The following RYR3 variants were observed in gnomAD, a reference collection of about 807,000 sequenced individuals.
The protein encoded by RYR3 is brain ryanodine receptor-calcium release channel.
In RYR3, 207 loss-of-function variants were observed where a neutral mutation model predicts 584.3. The observed-to-expected ratio is 0.35, with a 90% CI of 0.32 to 0.40. The LOEUF (loss-of-function observed/expected upper bound fraction) is 0.40, where lower values mean the gene tolerates loss of function less well. RYR3 is among the 10% of genes least tolerant of loss of function. RYR3 has a pLI of 1.00. For missense variants in RYR3, 5,616 were observed against 6,089.2 expected, an observed-to-expected ratio of 0.92 and a Z score of 2.59; for synonymous variants, 2,416 against 2,248.5, an observed-to-expected ratio of 1.07 and a Z score of -2.11.
At chr15:33,779,139 C>T (rs905297804) in intron 64 of RYR3, among the ~76,000 whole-genome samples, 3 of 152,114 alleles carry the variant, frequency 2.0e-5, no homozygotes, top group African/African-American at 7.2e-5. Flanking sequence ...CTTCTATATA[C>T]CCTAGATTTG....
At chr15:33,780,371 C>G in intron 65 of RYR3, 30 bp downstream of exon 65, 1 of 1,610,210 alleles carries the variant, frequency 6.2e-7, no homozygotes, top group Non-Finnish European at 8.5e-7. Flanking sequence ...GGTCATCAAC[C>G]CATTTCATGT....
At chr15:33,566,841 CTG>C in intron 12 of RYR3, 42 bp downstream of exon 12, 1 of 1,610,214 alleles carries the variant, frequency 6.2e-7, no homozygotes, top group Non-Finnish European at 8.5e-7. Context: ...GAGTTTGACT[CTG>C]TGGCCTGCCA....
rs562331742 is a variant in RYR3 at position 33,703,164 on chromosome 15, A to G, written c.6483+2084A>G. ...AATTACCCACCAATAATTCGTTGAC[A>G]TTTTTCAGTTAGTAAATTCTATTTC... On this transcript the variant is annotated intron_variant, in intron 42 of 103. Coordinates refer to ENST00000634891, the MANE Select transcript of RYR3 (RefSeq NM_001036.6). Among the ~76,000 whole-genome samples, 9 of 152,244 alleles carry G rather than the reference A, an allele frequency of 5.9e-5. No individual in the cohort carries two copies. In the East Asian group the frequency reaches 1.7e-3, roughly 29 times the overall value.
At chr15:33,749,643 G>A (rs1199856065) in intron 55 of RYR3, among the ~76,000 whole-genome samples, 3 of 152,168 alleles carry the variant, frequency 2.0e-5, no homozygotes, top group Non-Finnish European at 2.9e-5. Flanking sequence ...CCCGTCTGAG[G>A]TCAGGAGTAC....
intron 2 of RYR3, among the ~76,000 whole-genome samples, chr15:33,487,547 C>T (rs1039026165): frequency 5.3e-5 from 8 of 152,134 alleles, no homozygotes; most frequent in African/African-American, 1.9e-4. Flanking sequence ...CAAGTACAAG[C>T]CTTGCTGCCC....
chr15:33,592,952 A>G (rs584877), intron 16 of RYR3, among the ~76,000 whole-genome samples: 104,373 of 152,128 alleles, frequency 0.69, 36,311 homozygotes, highest in African/African-American at 0.82. Context: ...GACGTGGGAC[A>G]TCAATCAGTA....
chr15:33,862,226 G>T (rs1014403452), intron 102 of RYR3, among the ~76,000 whole-genome samples: 1 of 152,012 alleles, frequency 6.6e-6, no homozygotes, highest in African/African-American at 2.4e-5. Flanking sequence ...CTCATCTTTC[G>T]AGATAGATAG....
chr15:33,750,804 T>C (rs924885717), intron 57 of RYR3, among the ~76,000 whole-genome samples: 3 of 152,150 alleles, frequency 2.0e-5, no homozygotes, highest in African/African-American at 7.2e-5. Context: ...ACACGTGCCA[T>C]GGTGGTTTGC....
intron 10 of RYR3, among the ~76,000 whole-genome samples, chr15:33,556,720 T>C (rs1304574719): frequency 2.0e-5 from 3 of 152,172 alleles, no homozygotes; most frequent in Admixed American, 6.5e-5. Flanking sequence ...AGCATTCTTC[T>C]TGCCGTGCGG....
intron 1 of RYR3, among the ~76,000 whole-genome samples, chr15:33,339,656 G>A (rs1354157237): frequency 4.6e-5 from 7 of 152,244 alleles, no homozygotes; most frequent in Admixed American, 1.3e-4. Context: ...TTGGGAGGCC[G>A]AGGCGGGCGG....
intron 16 of RYR3, among the ~76,000 whole-genome samples, chr15:33,587,980 G>A (rs658750): frequency 0.52 from 79,345 of 151,952 alleles, 21,610 homozygotes; most frequent in African/African-American, 0.62. Flanking sequence ...AGGAGTCTCT[G>A]ACTAATCCAC....
intron 42 of RYR3, among the ~76,000 whole-genome samples, chr15:33,703,105 C>G (rs925171199): frequency 6.6e-6 from 1 of 152,122 alleles, no homozygotes; most frequent in African/African-American, 2.4e-5. Context: ...GGCCAAGCTG[C>G]AAAACCATGT....
chr15:33,516,501 G>A (rs906502964), intron 3 of RYR3, among the ~76,000 whole-genome samples: 5 of 151,666 alleles, frequency 3.3e-5, no homozygotes, highest in African/African-American at 1.2e-4. Context: ...CCACCACCAC[G>A]CCTGGCTAAT....
At chr15:33,496,808 G>A (rs2051470008) in intron 2 of RYR3, among the ~76,000 whole-genome samples, 1 of 151,974 alleles carries the variant, frequency 6.6e-6, no homozygotes, top group East Asian at 1.9e-4. Flanking sequence ...CATCATCCCT[G>A]GGAAAGTTCC....
intron 5 of RYR3, among the ~76,000 whole-genome samples, chr15:33,538,073 A>C (rs1045253441): frequency 6.6e-6 from 1 of 151,790 alleles, no homozygotes; most frequent in African/African-American, 2.4e-5. Flanking sequence ...CTGTTTCATG[A>C]ATGTCCTCTG....
chr15:33,758,459 A>T (rs1225651563), intron 60 of RYR3, among the ~76,000 whole-genome samples: 2 of 152,068 alleles, frequency 1.3e-5, no homozygotes, highest in East Asian at 3.9e-4. Flanking sequence ...TGGTTGGGGG[A>T]GGGGTGTCTG....
At chr15:33,624,826 C>G (rs1181004488) in intron 20 of RYR3, among the ~76,000 whole-genome samples, 2 of 152,182 alleles carry the variant, frequency 1.3e-5, no homozygotes, top group African/African-American at 4.8e-5. Flanking sequence ...TGAAAAGAGA[C>G]CATGCCTCTA....
chr15:33,438,227 A>G lies in RYR3; in HGVS notation c.52-35192A>G, dbSNP rs142710416. 9.9e-5 allele frequency among the ~76,000 whole-genome samples: 15 copies of G among 152,226 alleles called. No individual in the cohort carries two copies. In the East Asian group the frequency reaches 1.2e-3, roughly 12 times the overall value. ...TACATTATTATTAATTATAGTCACC[A>G]TGATGTACGGTGGATCCCCAGAACT... On this transcript the variant is annotated intron_variant, in intron 1 of 103. Coordinates refer to ENST00000634891, the MANE Select transcript of RYR3 (RefSeq NM_001036.6).
intron 4 of RYR3, 151 bp from the exon 5 acceptor site, chr15:33,533,160 G>A (rs928806818): frequency 2.9e-5 from 17 of 587,730 alleles, no homozygotes; most frequent in African/African-American, 2.8e-4. Context: ...TTGTATTAAG[G>A]CATTTACCAA....
Sources: allele counts gnomAD v4.1 joint callset (sites outside exome capture counted in the v4.1 genomes callset), GRCh38; gene constraint gnomAD v4.1.1; transcripts MANE v1.5; gene names NCBI Gene and HGNC (gene_info 2026-07-23, HGNC 2026-07-21).